Variants in JPH1 observed in about 807,000 individuals in gnomAD.
JPH1 encodes the protein junctophilin 1.
A neutral mutation model predicts 53.6 loss-of-function variants in JPH1; 12 were observed. The observed-to-expected ratio is 0.22, with a 90% CI of 0.14 to 0.36. The LOEUF (loss-of-function observed/expected upper bound fraction) is 0.36, where lower values mean the gene tolerates loss of function less well. JPH1 is among the 10% of genes least tolerant of loss of function. The probability of loss-of-function intolerance (pLI) is 1.00; values close to 1 mark genes in which losing one functional copy is unlikely to be tolerated. For missense variants in JPH1, 808 were observed against 905.5 expected (o/e 0.89, Z 1.38); for synonymous variants, 375 against 363.8 (o/e 1.03, Z -0.35).
At chr8:74,297,668 G>A (rs192153497) in intron 2 of JPH1, among the ~76,000 whole-genome samples, 1 of 152,332 alleles carries the variant, frequency 6.6e-6, no homozygotes, top group East Asian at 1.9e-4. Flanking sequence ...TGTCAGCCAT[G>A]TGCTCATTCT....
chr8:74,268,468 G>T (rs1397382127), intron 2 of JPH1, among the ~76,000 whole-genome samples: 2 of 152,092 alleles, frequency 1.3e-5, no homozygotes, highest in Non-Finnish European at 1.5e-5. Flanking sequence ...AGTATATAGA[G>T]CCAATGGGGG....
At chr8:74,254,378 T>C (rs927612587) in intron 3 of JPH1, among the ~76,000 whole-genome samples, 9 of 152,118 alleles carry the variant, frequency 5.9e-5, no homozygotes, top group East Asian at 3.8e-4. Flanking sequence ...AAATTAGGTA[T>C]TGATGGGATG....
intron 2 of JPH1, among the ~76,000 whole-genome samples, chr8:74,278,040 A>G (rs1252214521): frequency 6.6e-6 from 1 of 152,188 alleles, no homozygotes; most frequent in Non-Finnish European, 1.5e-5. Flanking sequence ...TCTAAACAAA[A>G]AGAGGCAATA....
chr8:74,315,277 G>A lies in JPH1; in HGVS notation c.723C>T (p.Ser241=), dbSNP rs200406910. The A allele has an allele frequency of 9.7e-5, 156 of 1,614,018 alleles. No homozygotes were observed. Among genetic ancestry groups the A allele is most frequent in the Non-Finnish European group, 1.3e-4 (152 of 1,180,044 alleles). ...SISSKRSSVR[S]DAAMSRISSS... ...AACTAATTCTGCTCATGGCCGCGTC[G>A]CTGCGGACAGAGCTGCGCTTGCTCG... The change falls in exon 2 of 6, where the codon AGC becomes AGT. Residue 241 remains serine, a synonymous_variant. Transcript: ENST00000342232. The surrounding 1 kb of genome is among the most constrained non-coding windows in gnomAD (Gnocchi z 6.3).
chr8:74,267,227 G>A (rs1413679489), intron 2 of JPH1, among the ~76,000 whole-genome samples: 2 of 152,152 alleles, frequency 1.3e-5, no homozygotes, highest in African/African-American at 4.8e-5. Context: ...TGTCACAGAA[G>A]ATGAGTTCAA....
At chr8:74,295,555 A>G (rs1372397186) in intron 2 of JPH1, among the ~76,000 whole-genome samples, 1 of 151,912 alleles carries the variant, frequency 6.6e-6, no homozygotes. Flanking sequence ...ATTCTCCTAA[A>G]CTCCTGTGAG....
At position 74,320,982 on chromosome 8, in the gene JPH1, G is replaced by A; in HGVS notation, c.306C>T (p.Thr102=). Residue 102 remains threonine (T), a synonymous_variant, in exon 1 of 6, where the codon ACC becomes ACT. Coordinates refer to ENST00000342232, the MANE Select transcript of JPH1 (RefSeq NM_020647.4). This position sits in a 1 kb window ranked among gnomAD's most constrained non-coding sequence, Gnocchi z 4.4. ...GRYGVRQSLC[T]PARYEGTWSN... Reference sequence around the variant, plus strand: ...TCCAGGTACCCTCGTAGCGAGCGGGGGTGCACAGGCTCTGCCGGACCCCGT... The same window carrying A: ...TCCAGGTACCCTCGTAGCGAGCGGGAGTGCACAGGCTCTGCCGGACCCCGT... The A allele has an allele frequency of 6.2e-7, 1 of 1,611,846 alleles. No homozygotes were observed. Among genetic ancestry groups the A allele is most frequent in the Middle Eastern group, 1.7e-4 (1 of 6,052 alleles).
In JPH1 at chr8:74,314,934, C is replaced by A. The variant is rs781026636; in HGVS notation, c.1066G>T (p.Val356Leu). 1 of 1,614,218 alleles carries A rather than the reference C, an allele frequency of 6.2e-7. No homozygotes were observed. The highest frequency in any genetic ancestry group is 8.5e-7 in the Non-Finnish European group (1 of 1,180,048). ...TGGGCGCCTTCAATTGCTCTGTCCACCTTCTCCCTAGTTTTTGTATGTCTT... is the reference window on the plus strand; with the variant it reads ...TGGGCGCCTTCAATTGCTCTGTCCAACTTCTCCCTAGTTTTTGTATGTCTT... ...PIRHTKTREK[V>L]DRAIEGAQRA... The change falls in exon 2 of 6, where the codon GTG becomes TTG. Residue 356 changes from valine to leucine, a missense_variant. By Grantham distance (32) the Val-to-Leu change is conservative. Transcript: ENST00000342232.
chr8:74,242,203 C>CTA (rs1805715927), intron 4 of JPH1, among the ~76,000 whole-genome samples: 1 of 152,156 alleles, frequency 6.6e-6, no homozygotes, highest in Non-Finnish European at 1.5e-5. Flanking sequence ...CCAGGGTGAT[C>CTA]CTGAGGATGG....
chr8:74,316,435 C>A (rs1808160313), intron 1 of JPH1, among the ~76,000 whole-genome samples: 1 of 152,160 alleles, frequency 6.6e-6, no homozygotes, highest in African/African-American at 2.4e-5. Context: ...CTAGAAGCAC[C>A]CTGAGGGCAG....
rs545997648 is a variant in JPH1, at chr8:74,259,470, G to A, written c.1173C>T (p.Ala391=). 50 of 1,612,220 alleles carry A rather than the reference G, an allele frequency of 3.1e-5. No individual in the cohort carries two copies. The highest frequency in any genetic ancestry group is 5.0e-5 in the Admixed American group (3 of 59,860). The change falls in exon 3 of 6, where the codon GCC becomes GCT. Residue 391 remains alanine, a synonymous_variant. Coordinates refer to ENST00000342232, the MANE Select transcript of JPH1 (RefSeq NM_020647.4). The part of the protein sequence containing the change: ...TAHARAKADA[A]DQAALAARQE... ...GGCGAGCGGCCAGCGCGGCCTGGTC[G>A]GCGGCATCGGCCTTCGCTCTGGCAT...
intron 2 of JPH1, among the ~76,000 whole-genome samples, chr8:74,291,565 G>A (rs1285509560): frequency 2.0e-5 from 3 of 152,198 alleles, no homozygotes; most frequent in African/African-American, 7.2e-5. Flanking sequence ...GGAAGTCGGT[G>A]TGGCGATTCC....
chr8:74,248,992 T>C (rs76288697), intron 3 of JPH1, among the ~76,000 whole-genome samples: 2,746 of 152,240 alleles, frequency 0.018, 86 homozygotes, highest in African/African-American at 0.063. Context: ...TGGAGACTCA[T>C]ATTGGGAAGA....
chr8:74,277,435 G>A (rs928607318), intron 2 of JPH1, among the ~76,000 whole-genome samples: 7 of 152,248 alleles, frequency 4.6e-5, no homozygotes, highest in Admixed American at 4.6e-4. Context: ...GACTACAGAT[G>A]TAGACACATT....
rs753102109 is a variant in JPH1, at chr8:74,320,993, T to C, written c.295A>G (p.Ser99Gly). Residue 99 changes from serine to glycine, a missense_variant, in exon 1 of 6, where the codon AGC becomes GGC. Physicochemically the swap from Ser to Gly is moderately conservative, Grantham distance 56. This residue lies in a region of JPH1 where 756 missense variants were observed against 811.9 expected (regional missense o/e 0.93). Coordinates refer to ENST00000342232, the MANE Select transcript of JPH1 (RefSeq NM_020647.4). This position sits in a 1 kb window ranked among gnomAD's most constrained non-coding sequence, Gnocchi z 4.4. ...TCGTAGCGAGCGGGGGTGCACAGGCTCTGCCGGACCCCGTAGCGCCCCTTG... is the reference window on the plus strand; with the variant it reads ...TCGTAGCGAGCGGGGGTGCACAGGCCCTGCCGGACCCCGTAGCGCCCCTTG... ...GFKGRYGVRQ[S>G]LCTPARYEGT... The C allele has an allele frequency of 1.9e-6, 3 of 1,612,614 alleles. No homozygotes were observed. The highest frequency in any genetic ancestry group is 2.5e-6 in the Non-Finnish European group (3 of 1,179,504).
chr8:74,247,869 A>T (rs891106244), intron 3 of JPH1, among the ~76,000 whole-genome samples: 7 of 152,218 alleles, frequency 4.6e-5, no homozygotes, highest in African/African-American at 1.7e-4. Context: ...ATATACAACT[A>T]TAACTTATCA....
At chr8:74,288,846 G>C (rs993963126) in intron 2 of JPH1, among the ~76,000 whole-genome samples, 3 of 152,226 alleles carry the variant, frequency 2.0e-5, no homozygotes, top group Non-Finnish European at 4.4e-5. Context: ...TTATGTAACT[G>C]TAACAGTCTT....
At chr8:74,247,379 G>A (rs1339048533) in intron 3 of JPH1, among the ~76,000 whole-genome samples, 1 of 152,152 alleles carries the variant, frequency 6.6e-6, no homozygotes, top group African/African-American at 2.4e-5. Context: ...AAATAGTCAA[G>A]GGCCTTGGAG....
chr8:74,266,516 C>T (rs762805161), intron 2 of JPH1, among the ~76,000 whole-genome samples: 2 of 152,024 alleles, frequency 1.3e-5, no homozygotes, highest in Non-Finnish European at 2.9e-5. Context: ...GAAAGTAGAA[C>T]AGTAATTTCC....
Sources: allele counts gnomAD v4.1 joint callset (sites outside exome capture counted in the v4.1 genomes callset), GRCh38; gene constraint gnomAD v4.1.1; regional missense constraint gnomAD v4.1.1; non-coding constraint Gnocchi (gnomAD v3.1); transcripts MANE v1.5; gene names NCBI Gene and HGNC (gene_info 2026-07-23, HGNC 2026-07-21).